The following NKAIN2 variants were observed in gnomAD, a reference collection of about 807,000 sequenced individuals.
The protein encoded by NKAIN2 is sodium/potassium transporting ATPase interacting 2.
Under a neutral mutation model 32.6 loss-of-function variants are expected in NKAIN2, and 14 were observed. The ratio of observed to expected loss-of-function variants is 0.43; its 90% confidence interval spans 0.28 to 0.67. The LOEUF is 0.67. NKAIN2 is among the 30% of genes least tolerant of loss of function. The probability of loss-of-function intolerance (pLI) is 0.17; values close to 1 mark genes in which losing one functional copy is unlikely to be tolerated. For missense variants in NKAIN2, 198 were observed against 258.3 expected, an observed-to-expected ratio of 0.77 and a Z score of 1.60; for synonymous variants, 80 against 87.2, an observed-to-expected ratio of 0.92 and a Z score of 0.46.
chr6:124,692,867 G>C (rs1263204081), intron 4 of NKAIN2, among the ~76,000 whole-genome samples: 1 of 152,110 alleles, frequency 6.6e-6, no homozygotes, highest in Non-Finnish European at 1.5e-5. Context: ...TGTGATGCCA[G>C]CTCCAGTAGT....
At chr6:124,752,149 C>T (rs1375759409) in intron 4 of NKAIN2, among the ~76,000 whole-genome samples, 1 of 151,804 alleles carries the variant, frequency 6.6e-6, no homozygotes, top group African/African-American at 2.4e-5. Flanking sequence ...GGTTACAACC[C>T]CACATCATGG....
intron 2 of NKAIN2, among the ~76,000 whole-genome samples, chr6:124,290,510 A>ATGTGTGTGTGTGTG (rs56389666): frequency 3.8e-4 from 52 of 137,874 alleles, no homozygotes; most frequent in African/African-American, 1.3e-3. Flanking sequence ...TACCTCAGAA[A>ATGTGTGTGTGTGTG]TGTGTGTGTG....
intron 4 of NKAIN2, among the ~76,000 whole-genome samples, chr6:124,706,391 C>A (rs1023114098): frequency 6.6e-6 from 1 of 152,006 alleles, no homozygotes; most frequent in Non-Finnish European, 1.5e-5. Flanking sequence ...TTAAAGGGCT[C>A]TTCATTGCTG....
At chr6:124,175,296 A>C (rs72978565) in intron 1 of NKAIN2, among the ~76,000 whole-genome samples, 9,426 of 152,250 alleles carry the variant, frequency 0.062, 439 homozygotes, top group Non-Finnish European at 0.087. Flanking sequence ...CATCTGTATG[A>C]AGGCATTACT....
In NKAIN2 at chr6:124,038,021, T is replaced by C. The variant is rs78224107; in HGVS notation, c.54+233767T>C. On this transcript the variant is annotated intron_variant, in intron 1 of 6. Transcript: ENST00000368417. ...AGCTGCTTTGTTAAAGTAAGGGTCA[T>C]ATGAATTCCGTAAGTTGTCTGGTGA... 2.5e-3 allele frequency among the ~76,000 whole-genome samples: 382 copies of C among 152,240 alleles called. 1 individual carries two copies. Among genetic ancestry groups the C allele is most frequent in the African/African-American group, 8.7e-3 (362 of 41,576 alleles).
chr6:124,088,753 A>G (rs1784299546), intron 1 of NKAIN2, among the ~76,000 whole-genome samples: 1 of 152,050 alleles, frequency 6.6e-6, no homozygotes, highest in Non-Finnish European at 1.5e-5. Flanking sequence ...CATATGGTAC[A>G]TTATTTATCA....
At chr6:124,670,178 T>C (rs1773029184) in intron 4 of NKAIN2, among the ~76,000 whole-genome samples, 1 of 152,124 alleles carries the variant, frequency 6.6e-6, no homozygotes. Flanking sequence ...AAGCCAATAT[T>C]TTTCCAAGTG....
intron 3 of NKAIN2, among the ~76,000 whole-genome samples, chr6:124,470,117 T>C (rs1776914602): frequency 6.6e-6 from 1 of 152,024 alleles, no homozygotes. Context: ...GTGGATGCTG[T>C]TCCTAGTAGA....
At chr6:124,765,949 A>G (rs1448366668) in intron 4 of NKAIN2, among the ~76,000 whole-genome samples, 1 of 152,206 alleles carries the variant, frequency 6.6e-6, no homozygotes, top group Non-Finnish European at 1.5e-5. Flanking sequence ...ATATAAAACT[A>G]TCTCTATTCT....
chr6:124,796,444 TAC>T lies in NKAIN2; in HGVS notation c.535+5054_535+5055del, dbSNP rs982140184. On this transcript the variant is annotated intron_variant, in intron 5 of 6. Coordinates refer to ENST00000368417, the MANE Select transcript of NKAIN2 (RefSeq NM_001040214.3). ...GATCACAATTCAGTCCACATCCAAA[TAC>T]ACACACACGCACACACACTCCACGT... Among the ~76,000 whole-genome samples the T allele has an allele frequency of 7.2e-5, 11 of 152,212 alleles. No homozygotes were observed. In the South Asian group the frequency reaches 1.2e-3, roughly 17 times the overall value.
chr6:124,481,853 C>A (rs566100924), intron 3 of NKAIN2, among the ~76,000 whole-genome samples: 62 of 151,652 alleles, frequency 4.1e-4, no homozygotes, highest in African/African-American at 1.2e-3. Context: ...GGGCAAAAAA[C>A]GTGTTTTTGG....
intron 4 of NKAIN2, among the ~76,000 whole-genome samples, chr6:124,757,286 T>C (rs1339993828): frequency 1.4e-4 from 22 of 152,172 alleles, no homozygotes; most frequent in Admixed American, 1.3e-3. Context: ...TGAACAGATA[T>C]AGATTTGTTT....
chr6:124,714,913 G>A (rs1775680377), intron 4 of NKAIN2, among the ~76,000 whole-genome samples: 2 of 152,134 alleles, frequency 1.3e-5, no homozygotes, highest in African/African-American at 2.4e-5. Flanking sequence ...AACTGGGAGA[G>A]CCACAGCCCA....
intron 1 of NKAIN2, among the ~76,000 whole-genome samples, chr6:123,846,298 A>AT (rs1775087683): frequency 6.6e-6 from 1 of 152,048 alleles, no homozygotes; most frequent in African/African-American, 2.4e-5. Flanking sequence ...TAGGCTAAGG[A>AT]TTTTTCCCCT....
chr6:124,227,087 CAA>C (rs575365216), intron 1 of NKAIN2, among the ~76,000 whole-genome samples: 3 of 128,132 alleles, frequency 2.3e-5, no homozygotes, highest in Admixed American at 8.1e-5. Context: ...CTCTTGGAGG[CAA>C]AAAAAAAAAA....
intron 1 of NKAIN2, among the ~76,000 whole-genome samples, chr6:124,217,181 C>A (rs576043375): frequency 3.9e-5 from 6 of 152,046 alleles, no homozygotes; most frequent in African/African-American, 1.4e-4. Flanking sequence ...GTAGGAAAAA[C>A]AACTCAGTAC....
At chr6:124,451,875 T>A (rs1776121362) in intron 3 of NKAIN2, among the ~76,000 whole-genome samples, 1 of 151,960 alleles carries the variant, frequency 6.6e-6, no homozygotes, top group African/African-American at 2.4e-5. Flanking sequence ...ATAAGGGGAT[T>A]TCCTAGATGA....
chr6:124,208,901 C>G, intron 1 of NKAIN2, among the ~76,000 whole-genome samples: 1 of 151,426 alleles, frequency 6.6e-6, no homozygotes, highest in Non-Finnish European at 1.5e-5. Flanking sequence ...ATAGAATGTG[C>G]AATGATCAAA....
At chr6:124,806,179 T>C (rs1387857861) in intron 5 of NKAIN2, among the ~76,000 whole-genome samples, 6 of 151,816 alleles carry the variant, frequency 4.0e-5, no homozygotes, top group East Asian at 1.9e-4. Flanking sequence ...CTCCAAGACA[T>C]ATAATTGTCA....
Sources: allele counts gnomAD v4.1 joint callset (sites outside exome capture counted in the v4.1 genomes callset), GRCh38; gene constraint gnomAD v4.1.1; transcripts MANE v1.5; gene names NCBI Gene and HGNC (gene_info 2026-07-23, HGNC 2026-07-21).